FHIT: variants seen among roughly 807,000 people sequenced by gnomAD.
FHIT encodes bis(5'-adenosyl)-triphosphatase.
FHIT carries 19 observed loss-of-function variants against 17.9 expected under a neutral mutation model. That is an observed-to-expected ratio of 1.06 (90% confidence interval 0.74 to 1.56). FHIT has a LOEUF of 1.56. Among genes scored for constraint, FHIT ranks in the 40% most tolerant of loss-of-function variants. The pLI is 0.00. For missense variants in FHIT, 248 were observed against 189.2 expected (o/e 1.31, Z -1.82); for synonymous variants, 81 against 69.7 (o/e 1.16, Z -0.81).
chr3:59,926,601 G>C (rs975581101), intron 7 of FHIT, among the ~76,000 whole-genome samples: 4 of 152,184 alleles, frequency 2.6e-5, no homozygotes, highest in Non-Finnish European at 5.9e-5. Flanking sequence ...AATCAAGAGA[G>C]GGTAAGTTCC....
At chr3:60,681,452 T>A (rs1227864863) in intron 4 of FHIT, among the ~76,000 whole-genome samples, 2 of 152,164 alleles carry the variant, frequency 1.3e-5, no homozygotes, top group East Asian at 1.9e-4. Context: ...CTTCTAAGTG[T>A]TCAAGTGAAA....
intron 1 of FHIT, among the ~76,000 whole-genome samples, chr3:61,238,484 G>A (rs2040287836): frequency 6.6e-6 from 1 of 152,116 alleles, no homozygotes; most frequent in Admixed American, 6.6e-5. Flanking sequence ...ACAGTCCAAA[G>A]GGAAGAGAAG....
At chr3:59,935,774 G>C (rs34382742) in intron 7 of FHIT, among the ~76,000 whole-genome samples, 1 of 151,926 alleles carries the variant, frequency 6.6e-6, no homozygotes, top group African/African-American at 2.4e-5. Context: ...TGCATGGATG[G>C]ATGAATGGAT....
chr3:60,741,855 T>C (rs1288242659), intron 4 of FHIT, among the ~76,000 whole-genome samples: 1 of 152,212 alleles, frequency 6.6e-6, no homozygotes, highest in Non-Finnish European at 1.5e-5. Context: ...GTATAATGTA[T>C]GGTATAATAT....
intron 5 of FHIT, among the ~76,000 whole-genome samples, chr3:60,280,717 A>G (rs559284258): frequency 1.3e-5 from 2 of 152,254 alleles, no homozygotes; most frequent in African/African-American, 4.8e-5. Flanking sequence ...AGAAATTTCT[A>G]TTGTTTGAAG....
rs936216211 is a variant in FHIT, at chr3:61,103,758, T to C, written c.-163-61659A>G. On this transcript the variant is annotated intron_variant, in intron 2 of 9. Transcript: ENST00000492590. ...TGCTCCTGTATTGGGTGCATATATATTTAGGAGAGTTAGCTCTTCTTGTTG... is the reference window on the plus strand; with the variant it reads ...TGCTCCTGTATTGGGTGCATATATACTTAGGAGAGTTAGCTCTTCTTGTTG... Among the ~76,000 whole-genome samples the C allele has an allele frequency of 5.3e-5, 8 of 152,226 alleles. No individual in the cohort carries two copies. In the East Asian group the frequency reaches 1.5e-3, roughly 29 times the overall value.
intron 4 of FHIT, among the ~76,000 whole-genome samples, chr3:60,639,648 A>G (rs1400686522): frequency 3.3e-5 from 5 of 152,200 alleles, no homozygotes; most frequent in Non-Finnish European, 7.3e-5. Context: ...GAATGTTAAC[A>G]TATCTCTGCA....
intron 8 of FHIT, among the ~76,000 whole-genome samples, chr3:59,777,013 A>G (rs577853369): frequency 7.9e-5 from 12 of 152,250 alleles, no homozygotes; most frequent in East Asian, 1.9e-4. Flanking sequence ...ATTTTGTTCC[A>G]GTGTCTCCCA....
intron 5 of FHIT, among the ~76,000 whole-genome samples, chr3:60,082,877 G>C (rs1208349592): frequency 6.6e-6 from 1 of 152,066 alleles, no homozygotes; most frequent in Non-Finnish European, 1.5e-5. Flanking sequence ...TTAGACCTTT[G>C]TCAGATGCAT....
At chr3:60,957,238 T>C (rs1162578348) in intron 3 of FHIT, among the ~76,000 whole-genome samples, 20 of 144,484 alleles carry the variant, frequency 1.4e-4, no homozygotes, top group Admixed American at 2.7e-4. Flanking sequence ...TCTTTCTTTT[T>C]TTTTTTTTTT....
intron 5 of FHIT, among the ~76,000 whole-genome samples, chr3:60,405,576 G>C (rs1701826324): frequency 6.6e-6 from 1 of 152,214 alleles, no homozygotes; most frequent in Non-Finnish European, 1.5e-5. Flanking sequence ...CTTGGCCCAG[G>C]TGGGCTGACT....
chr3:59,973,675 T>C (rs1040588764), intron 7 of FHIT, among the ~76,000 whole-genome samples: 1 of 152,286 alleles, frequency 6.6e-6, no homozygotes, highest in South Asian at 2.1e-4. Context: ...AGAACCATGT[T>C]AGATTTTGTT....
intron 7 of FHIT, among the ~76,000 whole-genome samples, chr3:59,928,943 C>T (rs1466186159): frequency 3.0e-5 from 4 of 134,164 alleles, no homozygotes; most frequent in East Asian, 4.4e-4. Context: ...TGCAGTGAGC[C>T]GAGATTGCAC....
At chr3:60,787,242 A>G (rs1263043131) in intron 4 of FHIT, among the ~76,000 whole-genome samples, 1 of 152,200 alleles carries the variant, frequency 6.6e-6, no homozygotes, top group Non-Finnish European at 1.5e-5. Context: ...AGAAGAGAAG[A>G]GCAAGGGATT....
chr3:59,943,153 A>G (rs1272955963), intron 7 of FHIT, among the ~76,000 whole-genome samples: 4 of 152,162 alleles, frequency 2.6e-5, no homozygotes, highest in Admixed American at 6.5e-5. Context: ...TACACCTGAC[A>G]ATGGAAGTGC....
chr3:60,610,184 A>G (rs1284465999), intron 4 of FHIT, among the ~76,000 whole-genome samples: 2 of 152,188 alleles, frequency 1.3e-5, no homozygotes, highest in Non-Finnish European at 2.9e-5. Flanking sequence ...GTGCACTTGC[A>G]TAGTGGGAAG....
chr3:60,839,521 A>G (rs1430874370), intron 3 of FHIT, among the ~76,000 whole-genome samples: 1 of 152,194 alleles, frequency 6.6e-6, no homozygotes, highest in African/African-American at 2.4e-5. Context: ...GTCTGTCAAA[A>G]CATTAACATT....
At chr3:60,028,683 A>G (rs911122701) in intron 5 of FHIT, among the ~76,000 whole-genome samples, 2 of 152,206 alleles carry the variant, frequency 1.3e-5, no homozygotes, top group Non-Finnish European at 2.9e-5. Flanking sequence ...TCAAATGTAA[A>G]TAAAATTATA....
At chr3:61,210,660 C>T (rs1196766494) in intron 1 of FHIT, among the ~76,000 whole-genome samples, 1 of 152,082 alleles carries the variant, frequency 6.6e-6, no homozygotes, top group Non-Finnish European at 1.5e-5. Flanking sequence ...TGGAAAAGTG[C>T]AGTATTACGG....
Sources: allele counts gnomAD v4.1 joint callset (sites outside exome capture counted in the v4.1 genomes callset), GRCh38; gene constraint gnomAD v4.1.1; transcripts MANE v1.5; gene names NCBI Gene and HGNC (gene_info 2026-07-23, HGNC 2026-07-21).